The following ST18 variants were observed in gnomAD, a reference collection of about 807,000 sequenced individuals.
ST18 encodes the protein ST18 C2H2C-type zinc finger transcription factor.
Under a neutral mutation model 110.0 loss-of-function variants are expected in ST18, and 50 were observed. That is an observed-to-expected ratio of 0.45 (90% CI 0.36 to 0.58). The LOEUF is 0.58. Ranked by LOEUF, ST18 falls within the 20% of genes least tolerant of loss-of-function variation. ST18 has a pLI of 0.00. For synonymous variants in ST18, 461 were observed against 452.4 expected (o/e 1.02, Z -0.24); for missense variants, 1,306 against 1,280.1 (o/e 1.02, Z -0.31).
chr8:52,308,949 CTTTCTA>C (rs1007958094), intron 2 of ST18, among the ~76,000 whole-genome samples: 25 of 152,176 alleles, frequency 1.6e-4, no homozygotes, highest in African/African-American at 5.5e-4. Flanking sequence ...GGCATATTCT[CTTTCTA>C]TAAGTATGTG....
chr8:52,144,498 T>C (rs2056509771), intron 16 of ST18, among the ~76,000 whole-genome samples: 1 of 152,142 alleles, frequency 6.6e-6, no homozygotes, highest in Non-Finnish European at 1.5e-5. Flanking sequence ...GTAATTTTTT[T>C]CATTAATTAC....
At chr8:52,127,107 A>G (rs1374712446) in intron 22 of ST18, among the ~76,000 whole-genome samples, 1 of 152,092 alleles carries the variant, frequency 6.6e-6, no homozygotes, top group East Asian at 1.9e-4. Context: ...AAATCATTTC[A>G]CTCTGAAGCT....
chr8:52,358,071 T>C (rs1486218391), intron 2 of ST18, among the ~76,000 whole-genome samples: 1 of 151,876 alleles, frequency 6.6e-6, no homozygotes. Flanking sequence ...TTTACATGTG[T>C]ATGAAAATTA....
At chr8:52,180,460 T>C (rs955444093) in intron 8 of ST18, 148 bp from the exon 9 acceptor site, 3 of 765,344 alleles carry the variant, frequency 3.9e-6, no homozygotes, top group Non-Finnish European at 6.3e-6. Flanking sequence ...AAACATCCCA[T>C]CTGTGGACTC....
At chr8:52,113,953 T>A (rs1310021078) in intron 25 of ST18, among the ~76,000 whole-genome samples, 1 of 99,742 alleles carries the variant, frequency 1.0e-5, no homozygotes, top group African/African-American at 4.2e-5. Context: ...ATTCATACCG[T>A]GTTTTTTTTT....
intron 2 of ST18, among the ~76,000 whole-genome samples, chr8:52,353,240 C>A (rs1478744704): frequency 6.6e-6 from 1 of 152,212 alleles, no homozygotes; most frequent in Non-Finnish European, 1.5e-5. Context: ...GTACCTCACA[C>A]TGTCGAAGCA....
chr8:52,246,874 G>T (rs1452815920), intron 2 of ST18, among the ~76,000 whole-genome samples: 1 of 152,078 alleles, frequency 6.6e-6, no homozygotes, highest in Non-Finnish European at 1.5e-5. Flanking sequence ...CATCACTCTT[G>T]CCCCCATCTA....
chr8:52,151,791 A>G (rs1368348431), intron 15 of ST18, among the ~76,000 whole-genome samples: 2 of 152,228 alleles, frequency 1.3e-5, no homozygotes, highest in Non-Finnish European at 2.9e-5. Context: ...AAAATAAAAA[A>G]AAACTTGGGT....
At chr8:52,224,673 A>T (rs1438534611) in intron 3 of ST18, among the ~76,000 whole-genome samples, 1 of 152,244 alleles carries the variant, frequency 6.6e-6, no homozygotes, top group Non-Finnish European at 1.5e-5. Context: ...CTTTTAGGGA[A>T]GATGTTTCAG....
chr8:52,366,373 A>C (rs368705476), intron 2 of ST18, among the ~76,000 whole-genome samples: 2 of 152,148 alleles, frequency 1.3e-5, no homozygotes, highest in African/African-American at 4.8e-5. Flanking sequence ...CGCTCTCCTC[A>C]GAACAACACC....
intron 2 of ST18, among the ~76,000 whole-genome samples, chr8:52,400,475 G>A (rs956391680): frequency 3.3e-5 from 5 of 151,936 alleles, no homozygotes; most frequent in African/African-American, 1.2e-4. Context: ...ATTGTTTTCG[G>A]TTGTTTTGTA....
intron 2 of ST18, among the ~76,000 whole-genome samples, chr8:52,356,663 T>C (rs1171780012): frequency 1.3e-5 from 2 of 152,088 alleles, no homozygotes; most frequent in Non-Finnish European, 2.9e-5. Context: ...TTGATTGGAC[T>C]TACTAGACAA....
At chr8:52,243,650 A>G (rs567855068) in intron 2 of ST18, among the ~76,000 whole-genome samples, 11 of 152,346 alleles carry the variant, frequency 7.2e-5, no homozygotes, top group African/African-American at 2.6e-4. Context: ...ATTAAATTAT[A>G]TAATGCATGT....
At chr8:52,199,872 G>C (rs1294741978) in intron 8 of ST18, among the ~76,000 whole-genome samples, 1 of 152,196 alleles carries the variant, frequency 6.6e-6, no homozygotes, top group African/African-American at 2.4e-5. Flanking sequence ...TGTGACAGCA[G>C]AAGTTCCCTG....
chr8:52,136,442 A>G, intron 19 of ST18, 148 bp downstream of exon 19: 1 of 702,984 alleles, frequency 1.4e-6, no homozygotes, highest in Non-Finnish European at 2.4e-6. Context: ...CAGTCATCCC[A>G]GCGCTTTAGT....
At position 52,112,868 on chromosome 8, in the gene ST18, C is replaced by CTCTT. The variant is rs1491324302; in HGVS notation, c.*326_*329dup. On this transcript the variant is annotated 3_prime_UTR_variant, in exon 26 of 26. Coordinates refer to ENST00000689386, the MANE Select transcript of ST18 (RefSeq NM_001352837.2). ...CAAAATGCAGTTAAAAGATAAAAAA[C>CTCTT]TCTTTGATTAGTAATAAATAAATTA... The CTCTT allele has an allele frequency of 4.1e-5, 7 of 172,494 alleles. No homozygotes were observed. The South Asian group carries it at 1.4e-3, about 34-fold the overall frequency. The allele number at this position is 172,494 out of a possible 1,614,324, so 10.7% of individuals were successfully genotyped here.
chr8:52,176,188 A>G (rs1272819601), intron 9 of ST18, among the ~76,000 whole-genome samples: 1 of 151,898 alleles, frequency 6.6e-6, no homozygotes, highest in Non-Finnish European at 1.5e-5. Flanking sequence ...CATCCGGCTA[A>G]TATTTTTTGT....
At position 52,185,598 on chromosome 8, in the gene ST18, T is replaced by C. The variant is rs375874303; in HGVS notation, c.87-5286A>G. ...AAAAAAACAGACCAATGGAACAGCA[T>C]AGATGTTCCATTTATTGGGTCCAGA... On this transcript the variant is annotated intron_variant, in intron 8 of 25. Transcript: ENST00000689386. 1.1e-4 allele frequency among the ~76,000 whole-genome samples: 16 copies of C among 152,242 alleles called. 1 individual carries two copies. The South Asian group carries it at 2.9e-3, about 28-fold the overall frequency.
chr8:52,331,206 C>T (rs557217404), intron 2 of ST18, among the ~76,000 whole-genome samples: 1 of 152,266 alleles, frequency 6.6e-6, no homozygotes, highest in South Asian at 2.1e-4. Flanking sequence ...GCACACTGTA[C>T]ATCTTGTCAA....
Sources: gnomAD v4.1 joint callset for allele counts (sites outside exome capture counted in the v4.1 genomes callset) on GRCh38, gnomAD v4.1.1 for gene constraint, MANE v1.5 for transcripts, NCBI Gene and HGNC (gene_info 2026-07-23, HGNC 2026-07-21) for gene names.